Variants in TOP1 observed in about 807,000 individuals in gnomAD.
TOP1 encodes the protein DNA topoisomerase 1.
A neutral mutation model predicts 111.1 loss-of-function variants in TOP1; 10 were observed. The observed-to-expected ratio is 0.09, with a 90% CI of 0.06 to 0.15. The LOEUF (loss-of-function observed/expected upper bound fraction) is 0.15, where lower values mean the gene tolerates loss of function less well. TOP1 is among the 10% of genes least tolerant of loss of function. The pLI, the probability that TOP1 is intolerant of heterozygous loss-of-function variation, is 1.00. For synonymous variants in TOP1, 271 were observed against 302.9 expected (o/e 0.89, Z 1.10); for missense variants, 474 against 926.7 (o/e 0.51, Z 6.34).
Position 41,095,530 on chromosome 20 carries a change from A to C in TOP1, c.731-1690A>C, listed in dbSNP as rs1420607706. Among the ~76,000 whole-genome samples, 1 of 152,152 alleles carries C rather than the reference A, an allele frequency of 6.6e-6. No individual in the cohort carries two copies. The highest frequency in any genetic ancestry group is 1.5e-5 in the Non-Finnish European group (1 of 68,034). On this transcript the variant is annotated intron_variant, in intron 9 of 20. Transcript: ENST00000361337. This position sits in a 1 kb window ranked among gnomAD's most constrained non-coding sequence, Gnocchi z 4.6. ...CCGAAGTGTCTTTCTTCCAAAGCAG[A>C]AGCTTGGGGGTTGATGGGGGCAGCT...
Position 41,123,369 on chromosome 20 carries a change from C to A in TOP1, c.*72C>A. The A allele has an allele frequency of 8.8e-7, 1 of 1,142,678 alleles. No individual in the cohort carries two copies. Among genetic ancestry groups the A allele is most frequent in the Non-Finnish European group, 1.3e-6 (1 of 768,566 alleles). The allele number at this position is 1,142,678 out of a possible 1,614,324, so 70.8% of individuals were successfully genotyped here. Reference sequence around the variant, plus strand: ...GGAAAGATGGATAAACTGAGCCTCACTTGCCCTCGTGCCTGGGGGAGAGAG... The same window carrying A: ...GGAAAGATGGATAAACTGAGCCTCAATTGCCCTCGTGCCTGGGGGAGAGAG... On this transcript the variant is annotated 3_prime_UTR_variant, in exon 21 of 21. Coordinates refer to ENST00000361337, the MANE Select transcript of TOP1 (RefSeq NM_003286.4). The surrounding 1 kb of genome is among the most constrained non-coding windows in gnomAD (Gnocchi z 5.8).
Position 41,118,253 on chromosome 20 carries a change from C to T in TOP1, c.1907C>T (p.Pro636Leu). 6.2e-7 allele frequency: 1 copy of T among 1,614,094 alleles called. No individual in the cohort carries two copies. The highest frequency in any genetic ancestry group is 8.5e-7 in the Non-Finnish European group (1 of 1,180,010). ...VAILCNHQRA[P>L]PKTFEKSMMN... ...ATTCTTTGTAACCATCAGAGGGCAC[C>T]ACCAAAAACTTTTGAGAAGTCTATG... The change falls in exon 18 of 21, where the codon CCA becomes CTA. Residue 636 changes from proline to leucine, a missense_variant. Pro to Leu is a moderately conservative substitution (Grantham distance 98, BLOSUM62 -3). Transcript: ENST00000361337. The surrounding 1 kb of genome is among the most constrained non-coding windows in gnomAD (Gnocchi z 4.6).
chr20:41,061,288 A>T lies in TOP1; in HGVS notation c.59-106A>T, dbSNP rs770499377. 9.2e-7 allele frequency: 1 copy of T among 1,088,144 alleles called. No individual in the cohort carries two copies. The allele number at this position is 1,088,144 out of a possible 1,614,324, so 67.4% of individuals were successfully genotyped here. A position where few individuals can be genotyped will look rare whatever the true frequency, so the allele number is the denominator to read the frequency against. On this transcript the variant is annotated intron_variant, in intron 2 of 20. Coordinates refer to ENST00000361337, the MANE Select transcript of TOP1 (RefSeq NM_003286.4). This position sits in a 1 kb window ranked among gnomAD's most constrained non-coding sequence, Gnocchi z 4.6. Reference sequence around the variant, plus strand: ...AGTGGCATGTGCTATTATGCCTACCATGCCATTTGAATCCTGTCATTGTAC... The same window carrying T: ...AGTGGCATGTGCTATTATGCCTACCTTGCCATTTGAATCCTGTCATTGTAC...
chr20:41,117,864 G>T (rs1299617250), intron 17 of TOP1, among the ~76,000 whole-genome samples: 2 of 151,992 alleles, frequency 1.3e-5, no homozygotes, highest in African/African-American at 4.8e-5. Flanking sequence ...GGAGATGAAG[G>T]GTCCCTAGCC....
chr20:41,039,187 A>C (rs1452502718), intron 2 of TOP1, among the ~76,000 whole-genome samples: 1 of 152,224 alleles, frequency 6.6e-6, no homozygotes, highest in South Asian at 2.1e-4. Context: ...ACAGATGAAC[A>C]AGACAAACCC....
Position 41,061,702 on chromosome 20 carries a change from T to C in TOP1, c.155+212T>C, listed in dbSNP as rs1997833. 0.29 allele frequency among the ~76,000 whole-genome samples: 44,245 copies of C among 152,072 alleles called. 6,534 individuals carry two copies. Among genetic ancestry groups the C allele is most frequent in the South Asian group, 0.37 (1,775 of 4,816 alleles). On this transcript the variant is annotated intron_variant, in intron 3 of 20. Transcript: ENST00000361337. The surrounding 1 kb of genome is among the most constrained non-coding windows in gnomAD (Gnocchi z 4.6). ...ATCAAGATGTATAAAGCAAGTATGT[T>C]TAATTTTCTTTTAATATATACCTCA...
Position 41,102,108 on chromosome 20 carries a change from T to C in TOP1, c.1308+755T>C, listed in dbSNP as rs1327381829. ...GTTCTATGTAGACTGTTAACTGTTT[T>C]ATGTGCAGGAGACCTGGGACTAAAG... On this transcript the variant is annotated intron_variant, in intron 13 of 20. Coordinates refer to ENST00000361337, the MANE Select transcript of TOP1 (RefSeq NM_003286.4). The surrounding 1 kb of genome is among the most constrained non-coding windows in gnomAD (Gnocchi z 4.0). 1.3e-5 allele frequency among the ~76,000 whole-genome samples: 2 copies of C among 152,234 alleles called. No individual in the cohort carries two copies. Among genetic ancestry groups the C allele is most frequent in the Admixed American group, 6.5e-5 (1 of 15,288 alleles).
rs147980294 is a variant in TOP1, at chr20:41,107,518, T to G, written c.1309-5264T>G. 7.0e-3 allele frequency among the ~76,000 whole-genome samples: 1,068 copies of G among 152,354 alleles called. 11 individuals carry two copies. Among genetic ancestry groups the G allele is most frequent in the African/African-American group, 0.024 (1,010 of 41,594 alleles). On this transcript the variant is annotated intron_variant, in intron 13 of 20. Transcript: ENST00000361337. ...TACAAGTTATTCCATCTATAATTTATTTCAATTACCACTTTTTGTTTTCAA... is the reference window on the plus strand; with the variant it reads ...TACAAGTTATTCCATCTATAATTTAGTTCAATTACCACTTTTTGTTTTCAA...
rs955583146 is a variant in TOP1 at position 41,030,609 on chromosome 20, C to T, written c.58+1154C>T. Among the ~76,000 whole-genome samples, 2 of 152,110 alleles carry T rather than the reference C, an allele frequency of 1.3e-5. No individual in the cohort carries two copies. Among genetic ancestry groups the T allele is most frequent in the African/African-American group, 4.8e-5 (2 of 41,406 alleles). ...TAAAAAGCTCATCCTTGCAGGCTTT[C>T]GAACAACCCTGTTGAAGGAGAAGTT... On this transcript the variant is annotated intron_variant, in intron 2 of 20. Coordinates refer to ENST00000361337, the MANE Select transcript of TOP1 (RefSeq NM_003286.4). This position sits in a 1 kb window ranked among gnomAD's most constrained non-coding sequence, Gnocchi z 4.1.
chr20:41,069,474 T>C lies in TOP1; in HGVS notation c.156-6697T>C, dbSNP rs2033645593. Among the ~76,000 whole-genome samples, 1 of 152,214 alleles carries C rather than the reference T, an allele frequency of 6.6e-6. No homozygotes were observed. ...AAAGTTAAGAGGCTGGGTTCTGTCA[T>C]TTATAAGCTACGTGTCGTGATCCAA... On this transcript the variant is annotated intron_variant, in intron 3 of 20. Transcript: ENST00000361337. The surrounding 1 kb of genome is among the most constrained non-coding windows in gnomAD (Gnocchi z 4.1).
At position 41,122,245 on chromosome 20, in the gene TOP1, C is replaced by T; in HGVS notation, c.2195+90C>T. On this transcript the variant is annotated intron_variant, in intron 20 of 20. Transcript: ENST00000361337. This position sits in a 1 kb window ranked among gnomAD's most constrained non-coding sequence, Gnocchi z 5.4. ...GCACTGGTGGCCTTCACATGCCATT[C>T]CTAAGCTACACACTTTAGTCCTCTG... is the stretch of plus-strand genomic sequence containing the variant. 3.7e-6 allele frequency: 5 copies of T among 1,357,780 alleles called. No individual in the cohort carries two copies. The highest frequency in any genetic ancestry group is 1.3e-5 in the South Asian group (1 of 77,732). The allele number at this position is 1,357,780 out of a possible 1,614,324, so 84.1% of individuals were successfully genotyped here.
Position 41,118,094 on chromosome 20 carries a change from T to G in TOP1, c.1823-75T>G, listed in dbSNP as rs2034362836. 2.0e-6 allele frequency: 3 copies of G among 1,505,142 alleles called. No homozygotes were observed. Among genetic ancestry groups the G allele is most frequent in the Admixed American group, 3.9e-5 (2 of 51,216 alleles). 93.2% of individuals were successfully genotyped at this position (1,505,142 alleles called of 1,614,324 possible). On this transcript the variant is annotated intron_variant, in intron 17 of 20. Coordinates refer to ENST00000361337, the MANE Select transcript of TOP1 (RefSeq NM_003286.4). The surrounding 1 kb of genome is among the most constrained non-coding windows in gnomAD (Gnocchi z 4.6). ...CAGCAAAATCATGGGGACGAGGCAC[T>G]GGGGGAAGACATACTGTGTGTTCAC...
At chr20:41,059,413 T>TA (rs2033515869) in intron 2 of TOP1, among the ~76,000 whole-genome samples, 1 of 86,194 alleles carries the variant, frequency 1.2e-5, no homozygotes, top group African/African-American at 5.2e-5. Context: ...TGCTAGAAAA[T>TA]AAATAAATAA....
In TOP1 at chr20:41,032,537, C is replaced by T. The variant is rs1046916465; in HGVS notation, c.58+3082C>T. ...TGGTAATACCAGGTTAAAGTGTTAG[C>T]GATTCTTCTGCTGTTTCAGAGGTCT... is the stretch of plus-strand genomic sequence containing the variant. On this transcript the variant is annotated intron_variant, in intron 2 of 20. Coordinates refer to ENST00000361337, the MANE Select transcript of TOP1 (RefSeq NM_003286.4). This position sits in a 1 kb window ranked among gnomAD's most constrained non-coding sequence, Gnocchi z 4.3. Among the ~76,000 whole-genome samples, 1 of 152,142 alleles carries T rather than the reference C, an allele frequency of 6.6e-6. No individual in the cohort carries two copies. The highest frequency in any genetic ancestry group is 2.4e-5 in the African/African-American group (1 of 41,418).
At chr20:41,033,977 G>A (rs1413821603) in intron 2 of TOP1, among the ~76,000 whole-genome samples, 1 of 151,632 alleles carries the variant, frequency 6.6e-6, no homozygotes, top group Non-Finnish European at 1.5e-5. Flanking sequence ...ATTGGACCTG[G>A]AGGTTTAAAA....
chr20:41,090,694 G>T (rs1436965069), intron 8 of TOP1, among the ~76,000 whole-genome samples: 29 of 151,054 alleles, frequency 1.9e-4, no homozygotes, highest in African/African-American at 7.0e-4. Flanking sequence ...GTAGAGACGG[G>T]GGGGTCTCGC....
chr20:41,075,261 T>C (rs932266526), intron 3 of TOP1, among the ~76,000 whole-genome samples: 8 of 152,194 alleles, frequency 5.3e-5, no homozygotes, highest in Admixed American at 2.0e-4. Flanking sequence ...AAGCTCCGCC[T>C]CCTGGGTTCA....
At chr20:41,037,113 A>T (rs2033198895) in intron 2 of TOP1, among the ~76,000 whole-genome samples, 1 of 152,102 alleles carries the variant, frequency 6.6e-6, no homozygotes, top group Non-Finnish European at 1.5e-5. Flanking sequence ...TACATGCATG[A>T]GCCACCGCGC....
rs193021765 is a variant in TOP1 at position 41,069,210 on chromosome 20, G to A, written c.156-6961G>A. On this transcript the variant is annotated intron_variant, in intron 3 of 20. Coordinates refer to ENST00000361337, the MANE Select transcript of TOP1 (RefSeq NM_003286.4). This position sits in a 1 kb window ranked among gnomAD's most constrained non-coding sequence, Gnocchi z 4.1. ...ACTTGAATTACGCATCTAGTTCTCA[G>A]ATTAGGGGAGATTTTTCTGAAATTA... 3.3e-5 allele frequency among the ~76,000 whole-genome samples: 5 copies of A among 152,322 alleles called. No homozygotes were observed. Among genetic ancestry groups the A allele is most frequent in the Non-Finnish European group, 7.3e-5 (5 of 68,032 alleles).
Sources: allele counts gnomAD v4.1 joint callset (sites outside exome capture counted in the v4.1 genomes callset), GRCh38; gene constraint gnomAD v4.1.1; non-coding constraint Gnocchi (gnomAD v3.1); transcripts MANE v1.5; gene names NCBI Gene and HGNC (gene_info 2026-07-23, HGNC 2026-07-21).